The following BARHL2 variants were observed in gnomAD, a reference collection of about 807,000 sequenced individuals.
BARHL2 encodes the protein barH-like 2 homeobox protein.
In BARHL2, 10 loss-of-function variants were observed where a neutral mutation model predicts 27.1. The observed-to-expected ratio is 0.37, with a 90% CI of 0.23 to 0.63. The LOEUF is 0.63. Ranked by LOEUF, BARHL2 falls within the 20% of genes least tolerant of loss-of-function variation. The pLI is 0.65. For synonymous variants in BARHL2, 248 were observed against 224.7 expected (o/e 1.10, Z -0.93); for missense variants, 483 against 533.5 (o/e 0.91, Z 0.93).
intron 1 of BARHL2, among the ~76,000 whole-genome samples, chr1:90,716,116 T>TG (rs367905218): frequency 0.33 from 40,431 of 121,048 alleles, 6,582 homozygotes; most frequent in Middle Eastern, 0.43. Flanking sequence ...GAAAATAAAG[T>TG]GGGGGGGGGG....
Position 90,712,345 on chromosome 1 carries a change from G to T in BARHL2, c.1131C>A (p.Ser377=). The T allele has an allele frequency of 6.6e-7, 1 of 1,521,412 alleles. No homozygotes were observed. The allele number at this position is 1,521,412 out of a possible 1,614,324, so 94.2% of individuals were successfully genotyped here. ...PGGQPALNPL[S]SPIPGTPHPR ...GGTGTGGGGTGCCTGGGATGGGGCT[G>T]GACAATGGATTAAGGGCTGGCTGTC... The change falls in exon 3 of 3, where the codon TCC becomes TCA. Residue 377 remains serine, a synonymous_variant. Coordinates refer to ENST00000370445, the MANE Select transcript of BARHL2 (RefSeq NM_020063.2).
chr1:90,714,095 G>C (rs1252001554), intron 2 of BARHL2, among the ~76,000 whole-genome samples: 1 of 152,208 alleles, frequency 6.6e-6, no homozygotes, highest in African/African-American at 2.4e-5. Flanking sequence ...CAGCTCTGTG[G>C]GAATAGCAAT....
chr1:90,716,226 G>A lies in BARHL2; in HGVS notation c.625+345C>T, dbSNP rs148002746. Among the ~76,000 whole-genome samples, 9 of 151,942 alleles carry A rather than the reference G, an allele frequency of 5.9e-5. 1 individual carries two copies. In the East Asian group the frequency reaches 1.7e-3, roughly 29 times the overall value. ...ACCTCCCCCCATTCCCATTCCCAAA[G>A]TCTAGGCTAGAAAAACCCCAAGTCC... On this transcript the variant is annotated intron_variant, in intron 1 of 2. Transcript: ENST00000370445.
intron 2 of BARHL2, 150 bp downstream of exon 2, chr1:90,714,381 T>C: frequency 1.4e-6 from 1 of 739,344 alleles, no homozygotes. Context: ...GTGTGGCTCA[T>C]CCCTGCCCCA....
Position 90,712,447 on chromosome 1 carries a change from C to T in BARHL2, c.1029G>A (p.Arg343=), listed in dbSNP as rs745733573. The T allele has an allele frequency of 1.2e-6, 2 of 1,612,846 alleles. No individual in the cohort carries two copies. Among genetic ancestry groups the T allele is most frequent in the Non-Finnish European group, 1.7e-6 (2 of 1,179,486 alleles). The change falls in exon 3 of 3, where the codon CGG becomes CGA. Residue 343 remains arginine, a synonymous_variant. Coordinates refer to ENST00000370445, the MANE Select transcript of BARHL2 (RefSeq NM_020063.2). Reference sequence around the variant, plus strand: ...GCTGGGGATGGGGTGCTGGAGGAGTCCGGTACATGCTGCTGTACATGGCAG... The same window carrying T: ...GCTGGGGATGGGGTGCTGGAGGAGTTCGGTACATGCTGCTGTACATGGCAG... The part of the protein sequence containing the change: ...AAAAMYSSMY[R]TPPAPHPQLQ...
chr1:90,714,951 T>G (rs1273465876), intron 1 of BARHL2, among the ~76,000 whole-genome samples, 195 bp from the exon 2 acceptor site: 1 of 152,026 alleles, frequency 6.6e-6, no homozygotes, highest in South Asian at 2.1e-4. Flanking sequence ...GACTGGAGAG[T>G]ATGGGACCTT....
Position 90,717,162 on chromosome 1 carries a change from C to G in BARHL2, c.34G>C (p.Gly12Arg). ...GCACTGGACAAAATCGTGTCTATTC[C>G]AAAACTCGACCCGCTGGCCCCTTCC... ...TMEGASGSSF[G>R]IDTILSSASS... is the part of the protein sequence containing the mutation. The change falls in exon 1 of 3, where the codon GGA becomes CGA. Residue 12 changes from glycine to arginine, a missense_variant. Gly to Arg is a moderately radical substitution (Grantham distance 125). Around this residue, in one of 3 missense-constraint regions of BARHL2, gnomAD observed 304 missense variants for 284.9 expected, o/e 1.07. Transcript: ENST00000370445. The G allele has an allele frequency of 6.2e-7, 1 of 1,613,472 alleles. No homozygotes were observed. The highest frequency in any genetic ancestry group is 8.5e-7 in the Non-Finnish European group (1 of 1,179,866).
chr1:90,713,442 T>G (rs146273856), intron 2 of BARHL2, among the ~76,000 whole-genome samples: 1 of 152,188 alleles, frequency 6.6e-6, no homozygotes, highest in Non-Finnish European at 1.5e-5. Context: ...AAATACCTTA[T>G]GAAGGAACGC....
rs748303673 is a variant in BARHL2 at position 90,716,824 on chromosome 1, G to GGGCGGCGGCGGCGGCTGCTGTGGC, written c.348_371dup (p.Pro120_Gln127dup). 14 of 1,552,238 alleles carry GGGCGGCGGCGGCGGCTGCTGTGGC rather than the reference G, an allele frequency of 9.0e-6. No individual in the cohort carries two copies. Among genetic ancestry groups the GGGCGGCGGCGGCGGCTGCTGTGGC allele is most frequent in the Middle Eastern group, 1.8e-4 (1 of 5,680 alleles). On this transcript the variant is annotated inframe_insertion, in exon 1 of 3. Transcript: ENST00000370445. Reference sequence around the variant, plus strand: ...AGGCGGCCGAGCCCAGCTGCTGGGGGGGCGGCGGCGGCGGCTGCTGTGGCG... The same window carrying GGGCGGCGGCGGCGGCTGCTGTGGC: ...AGGCGGCCGAGCCCAGCTGCTGGGGGGGCGGCGGCGGCGGCTGCTGTGGCGGCGGCGGCGGCGGCTGCTGTGGCG...
chr1:90,713,772 G>A (rs888437148), intron 2 of BARHL2, among the ~76,000 whole-genome samples: 2 of 152,298 alleles, frequency 1.3e-5, no homozygotes, highest in African/African-American at 2.4e-5. Context: ...GTGGCCCTGC[G>A]AGCACTGGCA....
intron 1 of BARHL2, among the ~76,000 whole-genome samples, chr1:90,715,793 T>C (rs535682588): frequency 2.0e-5 from 3 of 152,226 alleles, no homozygotes; most frequent in African/African-American, 7.2e-5. Flanking sequence ...AATTGTCTGA[T>C]GAGAAAATGG....
intron 1 of BARHL2, among the ~76,000 whole-genome samples, chr1:90,716,312 A>C (rs557057252): frequency 6.6e-6 from 1 of 152,138 alleles, no homozygotes; most frequent in East Asian, 1.9e-4. Flanking sequence ...CTCAACCCCC[A>C]GTAGATTAAA....
chr1:90,717,071 T>C lies in BARHL2; in HGVS notation c.125A>G (p.Asp42Gly), dbSNP rs200681160. ...FRPLGEARTADFRSQATPSPC... is the reference protein window; with the variant it reads ...FRPLGEARTAGFRSQATPSPC... ...AGATGGGGTGGCCTGACTCCTAAAA[T>C]CCGCGGTCCTGGCCTCACCGAGCGG... The change falls in exon 1 of 3, where the codon GAT becomes GGT. Residue 42 changes from aspartate (D) to glycine (G), a missense_variant. Asp to Gly is a moderately conservative substitution (Grantham distance 94, BLOSUM62 -1). Transcript: ENST00000370445. 1.1e-4 allele frequency: 170 copies of C among 1,613,902 alleles called. No homozygotes were observed. The highest frequency in any genetic ancestry group is 3.0e-4 in the Admixed American group (18 of 59,994).
At chr1:90,716,047 G>A (rs913059968) in intron 1 of BARHL2, among the ~76,000 whole-genome samples, 2 of 144,176 alleles carry the variant, frequency 1.4e-5, no homozygotes, top group Admixed American at 1.4e-4. Context: ...AAGTTGCTCT[G>A]TTCATGAACT....
chr1:90,715,356 C>T (rs189216627), intron 1 of BARHL2, among the ~76,000 whole-genome samples: 50 of 152,192 alleles, frequency 3.3e-4, no homozygotes, highest in African/African-American at 1.1e-3. Context: ...ACCCAGACAC[C>T]GAGTTGAGCT....
intron 1 of BARHL2, 82 bp downstream of exon 1, chr1:90,716,489 G>A (rs1485661103): frequency 2.8e-6 from 4 of 1,446,064 alleles, no homozygotes; most frequent in African/African-American, 1.4e-5. Context: ...CTCCCCAGCA[G>A]AGATCTGCTG....
chr1:90,714,904 G>A (rs995741589), intron 1 of BARHL2, 148 bp from the exon 2 acceptor site: 4 of 685,924 alleles, frequency 5.8e-6, no homozygotes, highest in African/African-American at 1.8e-5. Flanking sequence ...ACACACTCAC[G>A]CCTTAGCCTG....
In BARHL2 at chr1:90,717,174, C is replaced by G. The variant is rs1041817827; in HGVS notation, c.22G>C (p.Gly8Arg). The G allele has an allele frequency of 1.2e-6, 2 of 1,613,170 alleles. No homozygotes were observed. Among genetic ancestry groups the G allele is most frequent in the Admixed American group, 1.7e-5 (1 of 59,930 alleles). MTMEGAS[G>R]SSFGIDTILS... ...ATCGTGTCTATTCCAAAACTCGACC[C>G]GCTGGCCCCTTCCATTGTCATTGCT... Residue 8 changes from glycine to arginine, a missense_variant, in exon 1 of 3, where the codon GGG (glycine) becomes CGG (arginine). Physicochemically the swap from Gly to Arg is moderately radical, Grantham distance 125. This residue lies in a region of BARHL2 where 304 missense variants were observed against 284.9 expected (regional missense o/e 1.07). Transcript: ENST00000370445.
Position 90,717,222 on chromosome 1 carries a change from C to T in BARHL2, c.-27G>A. ...GCTACATGAGGTCCACGCCACTCCG[C>T]CGTTCAGCAGCCGCCCCGAACCAGC... is the stretch of plus-strand genomic sequence containing the variant. On this transcript the variant is annotated 5_prime_UTR_variant, in exon 1 of 3. Transcript: ENST00000370445. The T allele has an allele frequency of 6.3e-7, 1 of 1,596,298 alleles. No homozygotes were observed. The highest frequency in any genetic ancestry group is 1.1e-5 in the South Asian group (1 of 87,512).
Sources: allele counts gnomAD v4.1 joint callset (sites outside exome capture counted in the v4.1 genomes callset), GRCh38; gene constraint gnomAD v4.1.1; regional missense constraint gnomAD v4.1.1; transcripts MANE v1.5; gene names NCBI Gene and HGNC (gene_info 2026-07-23, HGNC 2026-07-21).